Variants in ZNF423 observed in about 807,000 individuals in gnomAD.
The protein encoded by ZNF423 is zinc finger protein 423.
Under a neutral mutation model 95.8 loss-of-function variants are expected in ZNF423, and 12 were observed. That is an observed-to-expected ratio of 0.13 (90% confidence interval 0.08 to 0.20). The LOEUF is 0.20. Among genes scored for constraint, ZNF423 ranks in the 10% least tolerant of loss-of-function variants. The probability of loss-of-function intolerance (pLI) is 1.00; values close to 1 mark genes in which losing one functional copy is unlikely to be tolerated. For synonymous variants in ZNF423, 749 were observed against 711.9 expected (o/e 1.05, Z -0.83); for missense variants, 1,316 against 1,737.1 (o/e 0.76, Z 4.31).
rs569073627 is a variant in ZNF423, at chr16:49,710,512, T to G, written c.301+20259A>C. Among the ~76,000 whole-genome samples, 8 of 152,352 alleles carry G rather than the reference T, an allele frequency of 5.3e-5. No homozygotes were observed. The South Asian group carries it at 1.2e-3, about 24-fold the overall frequency. ...CACTTCAGGGCCGACTCTGGCACTT[T>G]CTGCTCAAAAGTCACCAGGCGGCAG... is the stretch of plus-strand genomic sequence containing the variant. On this transcript the variant is annotated intron_variant, in intron 3 of 7. Transcript: ENST00000563137.
intron 5 of ZNF423, among the ~76,000 whole-genome samples, chr16:49,553,731 T>C (rs2084332170): frequency 1.3e-5 from 2 of 152,212 alleles, no homozygotes. Flanking sequence ...TATGTATTTC[T>C]TAATAACAAC....
intron 5 of ZNF423, among the ~76,000 whole-genome samples, chr16:49,620,626 A>T (rs189984480): frequency 4.0e-4 from 61 of 152,264 alleles, no homozygotes; most frequent in African/African-American, 1.4e-3. Flanking sequence ...CCTGAGGACC[A>T]TCCCTTCCCA....
chr16:49,493,531 G>A (rs538931397), intron 7 of ZNF423, among the ~76,000 whole-genome samples: 162 of 152,198 alleles, frequency 1.1e-3, no homozygotes, highest in Non-Finnish European at 1.9e-3. Context: ...CCTGCCAACC[G>A]CCAGTCAAAA....
chr16:49,513,099 A>C (rs1010958572), intron 7 of ZNF423, among the ~76,000 whole-genome samples: 1 of 152,188 alleles, frequency 6.6e-6, no homozygotes, highest in Non-Finnish European at 1.5e-5. Flanking sequence ...CTCTGTCTCA[A>C]AAAAATAAAA....
At chr16:49,804,076 C>G (rs2143916832) in intron 1 of ZNF423, among the ~76,000 whole-genome samples, 1 of 151,544 alleles carries the variant, frequency 6.6e-6, no homozygotes, top group South Asian at 2.1e-4. Flanking sequence ...ACTGAGATTA[C>G]AGATGCCCGC....
chr16:49,495,819 G>A (rs1314869609), intron 7 of ZNF423, among the ~76,000 whole-genome samples: 2 of 152,198 alleles, frequency 1.3e-5, no homozygotes, highest in Non-Finnish European at 2.9e-5. Flanking sequence ...GGAACACTGT[G>A]TGCCTCTCCC....
intron 5 of ZNF423, among the ~76,000 whole-genome samples, chr16:49,528,553 TAAAAC>T (rs1037230498): frequency 6.6e-6 from 1 of 151,380 alleles, no homozygotes. Context: ...GGAGGAGAAA[TAAAAC>T]AAGCAAAAAG....
chr16:49,689,771 G>A (rs1437093210), intron 3 of ZNF423, among the ~76,000 whole-genome samples: 1 of 152,162 alleles, frequency 6.6e-6, no homozygotes, highest in Admixed American at 6.5e-5. Flanking sequence ...TACCTGAGGA[G>A]GCATCCAGGC....
intron 1 of ZNF423, among the ~76,000 whole-genome samples, chr16:49,804,378 T>C (rs1345305616): frequency 6.6e-6 from 1 of 152,210 alleles, no homozygotes; most frequent in African/African-American, 2.4e-5. Flanking sequence ...CAAGTTTTCC[T>C]GCTCAAAAGT....
At chr16:49,858,227 G>A (rs2035392462), upstream of ZNF423, among the ~76,000 whole-genome samples, 1 of 149,614 alleles carries the variant, frequency 6.7e-6, no homozygotes, top group East Asian at 2.0e-4. This position sits in a 1 kb window ranked among gnomAD's most constrained non-coding sequence, Gnocchi z 4.3. Flanking sequence ...GAACAGCGCC[G>A]GGGCCGGCCG....
intron 1 of ZNF423, among the ~76,000 whole-genome samples, chr16:49,790,737 G>A (rs940392130): frequency 6.6e-6 from 1 of 152,242 alleles, no homozygotes; most frequent in African/African-American, 2.4e-5. Flanking sequence ...CTTACTAGCT[G>A]TATATGACCT....
chr16:49,754,354 C>T (rs903297896), intron 2 of ZNF423, among the ~76,000 whole-genome samples: 1 of 152,190 alleles, frequency 6.6e-6, no homozygotes, highest in Non-Finnish European at 1.5e-5. Context: ...GTGCCTGGTC[C>T]AGAAGAGATT....
intron 3 of ZNF423, among the ~76,000 whole-genome samples, chr16:49,679,333 G>A (rs996518507): frequency 2.6e-5 from 4 of 152,212 alleles, no homozygotes; most frequent in African/African-American, 9.6e-5. Context: ...AGTTGGCAGG[G>A]TGGGATCCCC....
intron 1 of ZNF423, among the ~76,000 whole-genome samples, chr16:49,824,975 T>C (rs1161098007): frequency 6.6e-6 from 1 of 152,196 alleles, no homozygotes; most frequent in Non-Finnish European, 1.5e-5. Flanking sequence ...ACTAAACAAA[T>C]CAAATCACTG....
At chr16:49,564,003 A>G (rs1398122263) in intron 5 of ZNF423, among the ~76,000 whole-genome samples, 3 of 152,210 alleles carry the variant, frequency 2.0e-5, no homozygotes, top group Non-Finnish European at 4.4e-5. Context: ...TTGATGTGTG[A>G]TACCAGCAGG....
At chr16:49,513,056 A>G (rs1427737543) in intron 7 of ZNF423, among the ~76,000 whole-genome samples, 1 of 152,216 alleles carries the variant, frequency 6.6e-6, no homozygotes, top group African/African-American at 2.4e-5. Flanking sequence ...AGATCGTGTT[A>G]CTGCACACTC....
intron 3 of ZNF423, among the ~76,000 whole-genome samples, chr16:49,643,838 T>C (rs1973066935): frequency 6.6e-6 from 1 of 152,104 alleles, no homozygotes; most frequent in Admixed American, 6.5e-5. Flanking sequence ...GAATTTTTGA[T>C]AAAAATTCAA....
chr16:49,493,508 T>A (rs1014810904), intron 7 of ZNF423, among the ~76,000 whole-genome samples: 1 of 152,148 alleles, frequency 6.6e-6, no homozygotes, highest in African/African-American at 2.4e-5. Context: ...CTTGGAGGTC[T>A]GCACTTTCAC....
intron 2 of ZNF423, among the ~76,000 whole-genome samples, chr16:49,745,772 G>A (rs1057064867): frequency 5.3e-5 from 8 of 152,184 alleles, no homozygotes; most frequent in African/African-American, 1.9e-4. Context: ...AAATTGCCGA[G>A]ATGCCTTGCC....
Sources: allele counts gnomAD v4.1 joint callset (sites outside exome capture counted in the v4.1 genomes callset), GRCh38; gene constraint gnomAD v4.1.1; non-coding constraint Gnocchi (gnomAD v3.1); transcripts MANE v1.5; gene names NCBI Gene and HGNC (gene_info 2026-07-23, HGNC 2026-07-21).